Variants in PRR14L observed in about 807,000 individuals in gnomAD.
PRR14L encodes proline rich 14 like.
PRR14L carries 80 observed loss-of-function variants against 155.0 expected under a neutral mutation model. The observed-to-expected ratio is 0.52, with a 90% CI of 0.43 to 0.62. The LOEUF is 0.62. Among genes scored for constraint, PRR14L ranks in the 20% least tolerant of loss-of-function variants. The probability of loss-of-function intolerance (pLI) is 0.00; values close to 1 mark genes in which losing one functional copy is unlikely to be tolerated. For missense variants in PRR14L, 2,469 were observed against 2,548.0 expected, an observed-to-expected ratio of 0.97 and a Z score of 0.67; for synonymous variants, 883 against 916.0, an observed-to-expected ratio of 0.96 and a Z score of 0.65.
At chr22:31,710,858 A>G (rs2074617110) in intron 4 of PRR14L, among the ~76,000 whole-genome samples, 1 of 152,118 alleles carries the variant, frequency 6.6e-6, no homozygotes, top group African/African-American at 2.4e-5. Context: ...ATTTCCAACT[A>G]TTCTCAGTGA....
rs781387974 is a variant in PRR14L at position 31,712,311 on chromosome 22, C to T, written c.5528G>A (p.Ser1843Asn). 27 of 1,614,064 alleles carry T rather than the reference C, an allele frequency of 1.7e-5. No individual in the cohort carries two copies. The highest frequency in any genetic ancestry group is 9.9e-5 in the South Asian group (9 of 91,090). Residue 1843 changes from serine (S) to asparagine (N), a missense_variant, in exon 4 of 9, where the codon AGC becomes AAC. This residue lies in a region of PRR14L where 2,363 missense variants were observed against 2,371.6 expected (regional missense o/e 1.00). Coordinates refer to ENST00000327423, the MANE Select transcript of PRR14L (RefSeq NM_173566.3). ...RIWTKKRSFS[S>N]HMPTMQRLFM... ...GAGCCTCTGCATGGTAGGCATGTGG[C>T]TGGAGAAGCTCCGTTTTTTTGTCCA...
rs934115202 is a variant in PRR14L at position 31,716,250 on chromosome 22, T to C, written c.1589A>G (p.Asn530Ser). ...AGTGTAAAAAGATTTACTTAATATA[T>C]TGGGCTCTACAGGGGTTGTCTGTCC... is the stretch of plus-strand genomic sequence containing the variant. Reference protein sequence around the residue: ...EAGQTTPVEPNILSKSFYTKD... With the variant: ...EAGQTTPVEPSILSKSFYTKD... Residue 530 changes from asparagine (N) to serine (S), a missense_variant, in exon 4 of 9, where the codon AAT becomes AGT. This residue lies in a region of PRR14L where 2,363 missense variants were observed against 2,371.6 expected (regional missense o/e 1.00). Transcript: ENST00000327423. The C allele has an allele frequency of 3.9e-6, 6 of 1,551,466 alleles. No homozygotes were observed. Among genetic ancestry groups the C allele is most frequent in the Admixed American group, 3.9e-5 (2 of 50,964 alleles).
intron 2 of PRR14L, among the ~76,000 whole-genome samples, chr22:31,731,597 A>T (rs1368948552): frequency 1.4e-5 from 2 of 147,100 alleles, no homozygotes; most frequent in African/African-American, 2.5e-5. Flanking sequence ...AAAAAAAGAT[A>T]ACTCCAATTC....
At chr22:31,688,341 CA>C in intron 7 of PRR14L, 114 bp from the exon 8 acceptor site, 1 of 1,287,728 alleles carries the variant, frequency 7.8e-7, no homozygotes, top group Non-Finnish European at 1.0e-6. Context: ...TAGCTCACTG[CA>C]GCCTTAAACT....
At chr22:31,703,435 G>T in intron 6 of PRR14L, 115 bp downstream of exon 6, 2 of 989,856 alleles carry the variant, frequency 2.0e-6, no homozygotes, top group Non-Finnish European at 3.0e-6. Context: ...GGCTGACACT[G>T]AAGGTGGTAC....
chr22:31,726,944 A>C (rs1272850319), intron 2 of PRR14L, among the ~76,000 whole-genome samples: 3 of 152,210 alleles, frequency 2.0e-5, no homozygotes, highest in African/African-American at 7.2e-5. Context: ...TGTCACGGAC[A>C]GATTCTGGCA....
chr22:31,726,291 T>C (rs1255787886), intron 2 of PRR14L, among the ~76,000 whole-genome samples: 1 of 151,844 alleles, frequency 6.6e-6, no homozygotes, highest in African/African-American at 2.4e-5. Flanking sequence ...CCACTATGCC[T>C]AGCTAATTTT....
At chr22:31,729,536 C>T (rs2074736525) in intron 2 of PRR14L, among the ~76,000 whole-genome samples, 1 of 152,140 alleles carries the variant, frequency 6.6e-6, no homozygotes, top group East Asian at 1.9e-4. Context: ...GTTTTAATAA[C>T]TTTGGGACAC....
chr22:31,691,573 A>G (rs2074511860), intron 7 of PRR14L, among the ~76,000 whole-genome samples: 1 of 151,754 alleles, frequency 6.6e-6, no homozygotes, highest in Non-Finnish European at 1.5e-5. Flanking sequence ...AGTCACCTGG[A>G]CTCTCCCCTG....
chr22:31,697,064 G>A (rs867220829), intron 7 of PRR14L, among the ~76,000 whole-genome samples: 8 of 152,028 alleles, frequency 5.3e-5, no homozygotes, highest in Middle Eastern at 3.2e-3. Flanking sequence ...GCCATGAGCC[G>A]AGATCATGCC....
At chr22:31,749,709 G>A (rs1343603370) in intron 1 of PRR14L, among the ~76,000 whole-genome samples, 1 of 152,226 alleles carries the variant, frequency 6.6e-6, no homozygotes, top group Non-Finnish European at 1.5e-5. Flanking sequence ...TCTCCGAGGA[G>A]ATAAGTTGGG....
intron 1 of PRR14L, among the ~76,000 whole-genome samples, chr22:31,748,112 A>G (rs1473184185): frequency 6.6e-6 from 1 of 152,078 alleles, no homozygotes; most frequent in African/African-American, 2.4e-5. Context: ...TTGCTTCAGG[A>G]ACAATACTCA....
At position 31,742,429 on chromosome 22, in the gene PRR14L, G is replaced by A. The variant is rs768132047; in HGVS notation, c.-51-3518C>T. 2.6e-5 allele frequency among the ~76,000 whole-genome samples: 4 copies of A among 151,052 alleles called. No individual in the cohort carries two copies. The East Asian group carries it at 7.8e-4, about 29-fold the overall frequency. On this transcript the variant is annotated intron_variant, in intron 1 of 8. Coordinates refer to ENST00000327423, the MANE Select transcript of PRR14L (RefSeq NM_173566.3). ...CCCAGGCTGGATGAAGTGCAGTGGT[G>A]CCATCTCAGCTCACTGCAATCTCTG...
intron 1 of PRR14L, among the ~76,000 whole-genome samples, chr22:31,740,145 C>G (rs930724690): frequency 1.3e-5 from 2 of 152,122 alleles, no homozygotes; most frequent in African/African-American, 4.8e-5. Context: ...ACCGCAGCCT[C>G]CCTCTCCCAG....
chr22:31,741,606 T>A (rs2074813494), intron 1 of PRR14L, among the ~76,000 whole-genome samples: 2 of 152,326 alleles, frequency 1.3e-5, no homozygotes, highest in South Asian at 4.1e-4. Flanking sequence ...GTGCGGTGGC[T>A]CATGCCTATA....
At chr22:31,711,183 A>C (rs1177677293) in intron 4 of PRR14L, among the ~76,000 whole-genome samples, 1 of 152,156 alleles carries the variant, frequency 6.6e-6, no homozygotes, top group African/African-American at 2.4e-5. Context: ...AGAGTAGAAA[A>C]GAAGATTCAG....
intron 7 of PRR14L, among the ~76,000 whole-genome samples, chr22:31,694,669 G>A (rs1246887757): frequency 7.3e-5 from 11 of 149,738 alleles, no homozygotes; most frequent in African/African-American, 2.2e-4. Flanking sequence ...GGAGAATGGC[G>A]TGAACCCGGG....
rs2074641078 is a variant in PRR14L at position 31,714,263 on chromosome 22, T to A, written c.3576A>T (p.Glu1192Asp). Residue 1192 changes from glutamate to aspartate, a missense_variant, in exon 4 of 9, where the codon GAA (glutamate) becomes GAT (aspartate). This residue lies in a region of PRR14L where 2,363 missense variants were observed against 2,371.6 expected (regional missense o/e 1.00). Transcript: ENST00000327423. Reference protein sequence around the residue: ...GQQDKGTSLRETQEMTEGSRL... With the variant: ...GQQDKGTSLRDTQEMTEGSRL... ...TTGATCCTTCAGTCATTTCTTGTGT[T>A]TCTCTGAGAGATGTTCCTTTATCTT... 3 of 1,551,506 alleles carry A rather than the reference T, an allele frequency of 1.9e-6. No individual in the cohort carries two copies. In the East Asian group the frequency reaches 7.3e-5, roughly 38 times the overall value.
intron 6 of PRR14L, 117 bp downstream of exon 6, chr22:31,703,433 C>T: frequency 1.0e-6 from 1 of 977,934 alleles, no homozygotes; most frequent in Non-Finnish European, 1.5e-6. Context: ...TCGGCTGACA[C>T]TGAAGGTGGT....
Sources: gnomAD v4.1 joint callset for allele counts (sites outside exome capture counted in the v4.1 genomes callset) on GRCh38, gnomAD v4.1.1 for gene constraint, gnomAD v4.1.1 regional missense constraint, MANE v1.5 for transcripts, NCBI Gene and HGNC (gene_info 2026-07-23, HGNC 2026-07-21) for gene names.